THUMPD2: variants seen among roughly 807,000 people sequenced by gnomAD.
THUMPD2 encodes THUMP domain 2 tRNA and snRNA guanosine methyltransferase.
Under a neutral mutation model 49.4 loss-of-function variants are expected in THUMPD2, and 56 were observed. The ratio of observed to expected loss-of-function variants is 1.13; its 90% CI spans 0.91 to 1.41. The LOEUF (loss-of-function observed/expected upper bound fraction) is 1.41. THUMPD2 is among the 40% of genes most tolerant of loss of function. THUMPD2 has a pLI of 0.00. For synonymous variants in THUMPD2, 237 were observed against 205.2 expected (o/e 1.15, Z -1.32); for missense variants, 709 against 594.5 (o/e 1.19, Z -2.00).
At chr2:39,737,880 G>C (rs1384010589) in intron 9 of THUMPD2, among the ~76,000 whole-genome samples, 1 of 152,186 alleles carries the variant, frequency 6.6e-6, no homozygotes, top group African/African-American at 2.4e-5. Context: ...TCTGAAAGCA[G>C]CTCAGTGGGT....
rs781493705 is a variant in THUMPD2, at chr2:39,757,196, C to T, written c.892-1236G>A. The T allele has an allele frequency of 9.0e-4, 348 of 387,174 alleles. 1 individual carries two copies. Among genetic ancestry groups the T allele is most frequent in the Non-Finnish European group, 1.6e-3 (305 of 193,942 alleles). 24.0% of individuals were successfully genotyped at this position (387,174 alleles called of 1,614,324 possible). A position where few individuals can be genotyped will look rare whatever the true frequency, so the allele number is the denominator to read the frequency against. On this transcript the variant is annotated intron_variant, in intron 6 of 9. Transcript: ENST00000505747. ...AAGGCACTATGAGGTTCTGGGCAGA[C>T]GGGAGAAAACAATTGTCTAGAAGGG...
Position 39,779,146 on chromosome 2 carries a change from G to A in THUMPD2, c.94C>T (p.Arg32Ter). ...GCCGCCAGCCGCGCCCGCACCTCTC[G>A]CATTACGAACGGCTCCAGGCCGCGA... ...AGRGLEPFVM[R>*]EVRARLAATQ... The change falls in exon 1 of 10, where the codon CGA becomes TGA. Residue 32 changes from arginine (R) to a stop codon, truncating the protein, a stop_gained. Coordinates refer to ENST00000505747, the MANE Select transcript of THUMPD2 (RefSeq NM_025264.5). LOFTEE classifies it high-confidence loss of function. 2 of 1,519,962 alleles carry A rather than the reference G, an allele frequency of 1.3e-6. No individual in the cohort carries two copies. The highest frequency in any genetic ancestry group is 1.8e-4 in the Middle Eastern group (1 of 5,632). 94.2% of individuals were successfully genotyped at this position (1,519,962 alleles called of 1,614,324 possible).
chr2:39,753,310 C>G (rs1314812922), intron 8 of THUMPD2, among the ~76,000 whole-genome samples: 1 of 152,134 alleles, frequency 6.6e-6, no homozygotes, highest in Non-Finnish European at 1.5e-5. Context: ...CAATGAGAAG[C>G]AGCTGACACA....
chr2:39,762,243 A>C (rs1676915367), intron 5 of THUMPD2, among the ~76,000 whole-genome samples: 1 of 152,188 alleles, frequency 6.6e-6, no homozygotes, highest in African/African-American at 2.4e-5. Context: ...GGCTTCTTCC[A>C]AAACCAGCAA....
At chr2:39,760,579 C>T (rs968441194) in intron 6 of THUMPD2, among the ~76,000 whole-genome samples, 4 of 151,956 alleles carry the variant, frequency 2.6e-5, no homozygotes, top group African/African-American at 9.7e-5. Context: ...TGAATTCTCT[C>T]ACTGAAAGAG....
intron 6 of THUMPD2, among the ~76,000 whole-genome samples, chr2:39,757,668 T>C (rs530505239): frequency 1.3e-5 from 2 of 152,234 alleles, no homozygotes; most frequent in South Asian, 2.1e-4. Flanking sequence ...ATGACACTTG[T>C]AGACACAGGC....
Position 39,761,404 on chromosome 2 carries a change from C to A in THUMPD2, c.818G>T (p.Ser273Ile). Residue 273 changes from serine to isoleucine, a missense_variant, in exon 6 of 10, where the codon AGC becomes ATC. By Grantham distance (142) the Ser-to-Ile change is moderately radical (BLOSUM62 -2). Coordinates refer to ENST00000505747, the MANE Select transcript of THUMPD2 (RefSeq NM_025264.5). ...GIPVFRVSLA[S>I]RAYIKTAGLR... Reference sequence around the variant, plus strand: ...TCCAGCTGTCTTGATGTAAGCTCTGCTGGCTAGGGAAACCCTACAAAGGAT... The same window carrying A: ...TCCAGCTGTCTTGATGTAAGCTCTGATGGCTAGGGAAACCCTACAAAGGAT... 6.2e-7 allele frequency: 1 copy of A among 1,613,692 alleles called. No homozygotes were observed. The highest frequency in any genetic ancestry group is 8.5e-7 in the Non-Finnish European group (1 of 1,179,710).
intron 8 of THUMPD2, among the ~76,000 whole-genome samples, chr2:39,750,833 T>C (rs2148230964): frequency 6.6e-6 from 1 of 152,366 alleles, no homozygotes. Flanking sequence ...ATTGTAAATA[T>C]CAACAAATAT....
intron 8 of THUMPD2, among the ~76,000 whole-genome samples, chr2:39,749,613 A>G (rs1675113699): frequency 6.6e-6 from 1 of 152,012 alleles, no homozygotes; most frequent in African/African-American, 2.4e-5. Context: ...TTTTCCTTCA[A>G]CTTTTAAGTT....
intron 3 of THUMPD2, chr2:39,769,187 G>C (rs759069158): frequency 1.9e-5 from 18 of 949,550 alleles, no homozygotes; most frequent in Non-Finnish European, 2.5e-5. Context: ...AAATACAAAG[G>C]ACATCTGTAG....
At chr2:39,755,751 C>G in intron 7 of THUMPD2, 138 bp downstream of exon 7, 1 of 509,662 alleles carries the variant, frequency 2.0e-6, no homozygotes, top group Admixed American at 4.7e-5. Context: ...CCCTCATCAT[C>G]TATTTTGAGT....
At chr2:39,753,131 T>C (rs982044798) in intron 8 of THUMPD2, among the ~76,000 whole-genome samples, 1 of 152,186 alleles carries the variant, frequency 6.6e-6, no homozygotes, top group African/African-American at 2.4e-5. Flanking sequence ...ATCCCCAATA[T>C]CCTTTCTTTC....
At chr2:39,772,889 A>C (rs1192355251) in intron 1 of THUMPD2, among the ~76,000 whole-genome samples, 1 of 152,166 alleles carries the variant, frequency 6.6e-6, no homozygotes, top group Non-Finnish European at 1.5e-5. Context: ...AAGCTCTTGG[A>C]ATGGTAATTT....
intron 9 of THUMPD2, among the ~76,000 whole-genome samples, chr2:39,739,800 A>T (rs2148161129): frequency 6.6e-6 from 1 of 152,332 alleles, no homozygotes; most frequent in Non-Finnish European, 1.5e-5. Flanking sequence ...GGAAGAGGGA[A>T]GCCTCTTCTA....
At chr2:39,762,561 A>T (rs1227118216) in intron 5 of THUMPD2, among the ~76,000 whole-genome samples, 1 of 151,998 alleles carries the variant, frequency 6.6e-6, no homozygotes, top group African/African-American at 2.4e-5. Context: ...TCAAGAAACA[A>T]CAATTCACAT....
At chr2:39,743,560 T>C (rs144665873) in intron 9 of THUMPD2, among the ~76,000 whole-genome samples, 1 of 152,142 alleles carries the variant, frequency 6.6e-6, no homozygotes, top group Non-Finnish European at 1.5e-5. Flanking sequence ...ATCTCATGAA[T>C]AGATTAATGC....
intron 4 of THUMPD2, among the ~76,000 whole-genome samples, chr2:39,766,591 C>G (rs1282758151): frequency 6.6e-6 from 1 of 152,082 alleles, no homozygotes; most frequent in African/African-American, 2.4e-5. Flanking sequence ...AAGTTTCTGT[C>G]TTTCTTTATT....
At chr2:39,754,344 A>T (rs769904254) in intron 8 of THUMPD2, among the ~76,000 whole-genome samples, 25 of 152,202 alleles carry the variant, frequency 1.6e-4, no homozygotes, top group Non-Finnish European at 2.6e-4. Flanking sequence ...GGCAGCAAAC[A>T]ACTATGAGAT....
chr2:39,736,791 C>T lies in THUMPD2; in HGVS notation c.1456G>A (p.Gly486Arg), dbSNP rs764194130. 1 of 1,614,102 alleles carries T rather than the reference C, an allele frequency of 6.2e-7. No individual in the cohort carries two copies. The highest frequency in any genetic ancestry group is 8.5e-7 in the Non-Finnish European group (1 of 1,180,004). The stretch of plus-strand genomic sequence containing the variant: ...TTACATATGAACGCATCTGTCTTTC[C>T]AAGGCTAACTTTGTAGCATTCCACT... ...VPVECYKVSL[G>R]KTDAFICKYK... The change falls in exon 10 of 10, where the codon GGA becomes AGA. Residue 486 changes from glycine to arginine, a missense_variant. Gly to Arg is a moderately radical substitution (Grantham distance 125). Transcript: ENST00000505747.
Sources: allele counts gnomAD v4.1 joint callset (sites outside exome capture counted in the v4.1 genomes callset), GRCh38; gene constraint gnomAD v4.1.1; transcripts MANE v1.5; gene names NCBI Gene and HGNC (gene_info 2026-07-23, HGNC 2026-07-21).